Variants in MFSD11 observed in about 807,000 individuals in gnomAD.
MFSD11 encodes the protein UNC93-like protein MFSD11.
In MFSD11, 36 loss-of-function variants were observed where a neutral mutation model predicts 53.5. The observed-to-expected ratio is 0.67, with a 90% CI of 0.52 to 0.89. The LOEUF (loss-of-function observed/expected upper bound fraction) is 0.89, where lower values mean the gene tolerates loss of function less well. Among genes scored for constraint, MFSD11 ranks in the 40% least tolerant of loss-of-function variants. The pLI is 0.00. For synonymous variants in MFSD11, 186 were observed against 184.9 expected (o/e 1.01, Z -0.05); for missense variants, 530 against 543.9 (o/e 0.97, Z 0.25).
rs116617608 is a variant in MFSD11 at position 76,759,266 on chromosome 17, T to C, written c.682+5179T>C. Among the ~76,000 whole-genome samples the C allele has an allele frequency of 9.3e-3, 1,414 of 151,378 alleles. 29 individuals carry two copies. Among genetic ancestry groups the C allele is most frequent in the African/African-American group, 0.033 (1,351 of 41,304 alleles). ...AAGAACTTGTCCCAAAAAAATAAAA[T>C]ACAATAAAATATATTTCTTTTTCTT... On this transcript the variant is annotated intron_variant, in intron 8 of 12. Coordinates refer to ENST00000685175, the MANE Select transcript of MFSD11 (RefSeq NM_001242532.5).
chr17:76,755,772 G>GTATA (rs2079513666), intron 8 of MFSD11, among the ~76,000 whole-genome samples: 4 of 17,552 alleles, frequency 2.3e-4, no homozygotes, highest in Non-Finnish European at 4.4e-4. Context: ...ATATGTACGT[G>GTATA]TGTGTGTGTG....
At chr17:76,737,335 CGGGCA>C, upstream of MFSD11, 1 of 829,088 alleles carries the variant, frequency 1.2e-6, no homozygotes, top group South Asian at 2.2e-5. Context: ...AACAACTGGG[CGGGCA>C]GCCGGCCTCT....
chr17:76,755,430 T>C (rs2079463292), intron 8 of MFSD11, among the ~76,000 whole-genome samples: 1 of 152,090 alleles, frequency 6.6e-6, no homozygotes. Flanking sequence ...AGACCATGTA[T>C]ATTCATTAAG....
intron 7 of MFSD11, among the ~76,000 whole-genome samples, 166 bp downstream of exon 7, chr17:76,744,632 A>G (rs2078389598): frequency 6.6e-6 from 1 of 152,168 alleles, no homozygotes; most frequent in Admixed American, 6.5e-5. Context: ...GAGGAAGAAA[A>G]AAAAGGTCAC....
the MFSD11 span, among the ~76,000 whole-genome samples, chr17:76,801,748 A>G: frequency 6.6e-6 from 1 of 152,166 alleles, no homozygotes; most frequent in Non-Finnish European, 1.5e-5. Context: ...CCTGGCCCAG[A>G]GGTCACTTTA....
At chr17:76,791,140 T>C in the MFSD11 span, among the ~76,000 whole-genome samples, 6 of 148,618 alleles carry the variant, frequency 4.0e-5, no homozygotes, top group Non-Finnish European at 7.4e-5. Context: ...CATTGGGCTA[T>C]GATTTACTGG....
intron 7 of MFSD11, among the ~76,000 whole-genome samples, chr17:76,747,706 A>G (rs962482730): frequency 5.3e-5 from 8 of 152,186 alleles, no homozygotes; most frequent in African/African-American, 1.9e-4. Flanking sequence ...CACAAATTCA[A>G]TGAAAACTGA....
At chr17:76,767,555 TCA>T in intron 9 of MFSD11, 104 bp downstream of exon 9, 1 of 708,138 alleles carries the variant, frequency 1.4e-6, no homozygotes, top group South Asian at 1.8e-5. Context: ...GTGACTGGAC[TCA>T]GTGAATGGTT....
chr17:76,789,508 C>T, the MFSD11 span, among the ~76,000 whole-genome samples: 12 of 150,174 alleles, frequency 8.0e-5, no homozygotes, highest in South Asian at 2.2e-4. Flanking sequence ...TGAACCGACT[C>T]GCCTAGCTCC....
chr17:76,764,507 GTCTT>G (rs2080626452), intron 8 of MFSD11, among the ~76,000 whole-genome samples: 1 of 152,150 alleles, frequency 6.6e-6, no homozygotes, highest in African/African-American at 2.4e-5. Context: ...TGCAGTATTT[GTCTT>G]TCTGTGTCTG....
chr17:76,759,618 C>T (rs963898024), intron 8 of MFSD11, among the ~76,000 whole-genome samples: 6 of 152,050 alleles, frequency 3.9e-5, no homozygotes, highest in Non-Finnish European at 5.9e-5. Context: ...CCATGCCTGG[C>T]TAATGTTTTT....
chr17:76,757,739 G>A lies in MFSD11; in HGVS notation c.682+3652G>A, dbSNP rs539624119. Among the ~76,000 whole-genome samples, 15 of 152,286 alleles carry A rather than the reference G, an allele frequency of 9.8e-5. No individual in the cohort carries two copies. In the East Asian group the frequency reaches 1.7e-3, roughly 18 times the overall value. Reference sequence around the variant, plus strand: ...AAGAAAATGTTCTCAGGCCGGGCACGGTGGCTCATGCCTGTAATCCCAGTA... The same window carrying A: ...AAGAAAATGTTCTCAGGCCGGGCACAGTGGCTCATGCCTGTAATCCCAGTA... On this transcript the variant is annotated intron_variant, in intron 8 of 12. Coordinates refer to ENST00000685175, the MANE Select transcript of MFSD11 (RefSeq NM_001242532.5).
chr17:76,765,116 T>C (rs621315), intron 8 of MFSD11, among the ~76,000 whole-genome samples: 21,224 of 152,124 alleles, frequency 0.14, 4,863 homozygotes, highest in African/African-American at 0.48. Context: ...ATATTTTCTT[T>C]TAAAAGTTTT....
chr17:76,797,172 TAAAAAA>T, the MFSD11 span, among the ~76,000 whole-genome samples: 1 of 151,446 alleles, frequency 6.6e-6, no homozygotes, highest in Non-Finnish European at 1.5e-5. Flanking sequence ...CTTCCTCAAT[TAAAAAA>T]GAAAAAAGAA....
the MFSD11 span, among the ~76,000 whole-genome samples, chr17:76,795,350 G>C: frequency 2.0e-5 from 3 of 149,560 alleles, no homozygotes; most frequent in African/African-American, 4.9e-5. Context: ...TTAGCCAGAC[G>C]TGGTGGCGTG....
At chr17:76,736,878 G>C (rs752405402), upstream of MFSD11, 12 of 1,611,380 alleles carry the variant, frequency 7.4e-6, no homozygotes, top group Non-Finnish European at 1.0e-5. Context: ...GAGTCCGGGG[G>C]GCGGCCGTAG....
At chr17:76,772,973 G>C (rs1043183787) in intron 10 of MFSD11, 5 of 152,272 alleles carry the variant, frequency 3.3e-5, no homozygotes, top group African/African-American at 1.2e-4. Context: ...GCTCCACCCA[G>C]TTCCTGTGAA....
intron 11 of MFSD11, among the ~76,000 whole-genome samples, chr17:76,775,877 C>G (rs1173288315): frequency 6.6e-6 from 1 of 152,204 alleles, no homozygotes; most frequent in Non-Finnish European, 1.5e-5. Flanking sequence ...GCATTTTCTT[C>G]ACAAATGGTT....
rs147028973 is a variant in MFSD11 at position 76,774,181 on chromosome 17, C to T, written c.875-816C>T. On this transcript the variant is annotated intron_variant, in intron 10 of 12. Transcript: ENST00000685175. ...CCTCGGGTGATCTGCCCGCCTTGGCCTCCCAAAGGGCTGGGATTACAGGTG... is the reference window on the plus strand; with the variant it reads ...CCTCGGGTGATCTGCCCGCCTTGGCTTCCCAAAGGGCTGGGATTACAGGTG... Among the ~76,000 whole-genome samples the T allele has an allele frequency of 9.3e-3, 1,424 of 152,318 alleles. 30 individuals carry two copies. Among genetic ancestry groups the T allele is most frequent in the African/African-American group, 0.033 (1,363 of 41,566 alleles).
Sources: gnomAD v4.1 joint callset for allele counts (sites outside exome capture counted in the v4.1 genomes callset) on GRCh38, gnomAD v4.1.1 for gene constraint, MANE v1.5 for transcripts, NCBI Gene and HGNC (gene_info 2026-07-23, HGNC 2026-07-21) for gene names.